SECISBP2L: variants seen among roughly 807,000 people sequenced by gnomAD.
The protein encoded by SECISBP2L is SECIS binding protein 2 like, also known as selenocysteine insertion sequence-binding protein 2-like.
SECISBP2L carries 43 observed loss-of-function variants against 114.7 expected under a neutral mutation model. The observed-to-expected ratio is 0.38, with a 90% CI of 0.29 to 0.48. The LOEUF (loss-of-function observed/expected upper bound fraction) is 0.48, where lower values mean the gene tolerates loss of function less well. Among genes scored for constraint, SECISBP2L ranks in the 20% least tolerant of loss-of-function variants. The probability of loss-of-function intolerance (pLI) is 0.98; values close to 1 mark genes in which losing one functional copy is unlikely to be tolerated. For missense variants in SECISBP2L, 1,136 were observed against 1,301.1 expected (o/e 0.87, Z 1.95); for synonymous variants, 451 against 439.7 (o/e 1.03, Z -0.32).
intron 8 of SECISBP2L, among the ~76,000 whole-genome samples, chr15:49,017,962 T>C (rs1247697625): frequency 6.6e-6 from 1 of 152,182 alleles, no homozygotes; most frequent in East Asian, 1.9e-4. Flanking sequence ...AGAAAGTGTT[T>C]AACAGACAGC....
chr15:49,039,479 G>A (rs1355021289), intron 1 of SECISBP2L, among the ~76,000 whole-genome samples: 2 of 149,304 alleles, frequency 1.3e-5, no homozygotes, highest in Admixed American at 6.7e-5. Context: ...TGAAATCACA[G>A]TTTAACTGCA....
intron 11 of SECISBP2L, among the ~76,000 whole-genome samples, chr15:49,015,169 A>C (rs1369001122): frequency 6.6e-6 from 1 of 152,136 alleles, no homozygotes; most frequent in Non-Finnish European, 1.5e-5. Flanking sequence ...AATGAAACAC[A>C]TGGAAGAACA....
Position 49,019,399 on chromosome 15 carries a change from TAGAGTTTG to T in SECISBP2L, c.1170+11_1170+18del. 1 of 1,411,318 alleles carries T rather than the reference TAGAGTTTG, an allele frequency of 7.1e-7. No individual in the cohort carries two copies. The highest frequency in any genetic ancestry group is 1.6e-5 in the South Asian group (1 of 62,270). 87.4% of individuals were successfully genotyped at this position (1,411,318 alleles called of 1,614,324 possible). A position where few individuals can be genotyped will look rare whatever the true frequency, so the allele number is the denominator to read the frequency against. ...AACATTTCCTATAACAGCTTACAAA[TAGAGTTTG>T]AAAAAAATACCTCAAAATATAAAGA... On this transcript the variant is annotated intron_variant, in intron 8 of 17. Coordinates refer to ENST00000559471, the MANE Select transcript of SECISBP2L (RefSeq NM_001193489.2).
At chr15:49,015,947 A>C (rs1242232994) in intron 11 of SECISBP2L, among the ~76,000 whole-genome samples, 1 of 152,178 alleles carries the variant, frequency 6.6e-6, no homozygotes, top group Non-Finnish European at 1.5e-5. Context: ...AGGAAAAGGG[A>C]ATAGCAAGCC....
rs942355893 is a variant in SECISBP2L at position 48,992,787 on chromosome 15, T to C, written c.2763A>G (p.Pro921=). 3.7e-6 allele frequency: 6 copies of C among 1,614,092 alleles called. No homozygotes were observed. The highest frequency in any genetic ancestry group is 4.5e-5 in the East Asian group (2 of 44,896). The change falls in exon 18 of 18, where the codon CCA becomes CCG. Residue 921 remains proline, a synonymous_variant. Transcript: ENST00000559471. Reference sequence around the variant, plus strand: ...TAGTACTGCCTGTAGCCACTAATGATGGCTGCTTACCAATTGGGGGTGTGT... The same window carrying C: ...TAGTACTGCCTGTAGCCACTAATGACGGCTGCTTACCAATTGGGGGTGTGT... The part of the protein sequence containing the change: ...PFDTPPIGKQ[P]SLVATGSTTS...
chr15:48,996,961 T>C (rs1020541515), intron 16 of SECISBP2L, among the ~76,000 whole-genome samples: 24 of 152,136 alleles, frequency 1.6e-4, no homozygotes, highest in African/African-American at 5.8e-4. Context: ...AAAAAGATGG[T>C]AAGAGACACC....
Position 48,999,902 on chromosome 15 carries a change from A to T in SECISBP2L, c.2334T>A (p.Ala778=). Residue 778 remains alanine (A), a synonymous_variant, in exon 16 of 18, where the codon GCT becomes GCA. Coordinates refer to ENST00000559471, the MANE Select transcript of SECISBP2L (RefSeq NM_001193489.2). ...CCAGCTTGTTCACACAGCGTCCTAG[A>T]GCTTTCCTTCCAAGGGCAAACACAA... ...IPFVFALGRK[A]LGRCVNKLVP... The T allele has an allele frequency of 3.7e-6, 6 of 1,614,058 alleles. No individual in the cohort carries two copies. Among genetic ancestry groups the T allele is most frequent in the Non-Finnish European group, 5.1e-6 (6 of 1,179,984 alleles).
At position 49,019,546 on chromosome 15, in the gene SECISBP2L, A is replaced by C; in HGVS notation, c.1042T>G (p.Phe348Val). Reference protein sequence around the residue: ...TEQRNNSQVGFRCRGHSTSSE... With the variant: ...TEQRNNSQVGVRCRGHSTSSE... ...GAAGTACTGTGTCCTCGGCATCTGA[A>C]TCCAACCTAAGTAAACCCCAGAGGG... The change falls in exon 8 of 18, where the codon TTC becomes GTC. Residue 348 changes from phenylalanine to valine, a missense_variant. Physicochemically the swap from Phe to Val is conservative, Grantham distance 50. This residue lies in a region of SECISBP2L where 452 missense variants were observed against 452.3 expected (regional missense o/e 1.00). Transcript: ENST00000559471. 1 of 1,475,334 alleles carries C rather than the reference A, an allele frequency of 6.8e-7. No homozygotes were observed. The allele number at this position is 1,475,334 out of a possible 1,614,324, so 91.4% of individuals were successfully genotyped here. A position where few individuals can be genotyped will look rare whatever the true frequency, so the allele number is the denominator to read the frequency against.
chr15:49,005,019 A>C (rs1902287456), intron 14 of SECISBP2L, among the ~76,000 whole-genome samples: 1 of 152,192 alleles, frequency 6.6e-6, no homozygotes, highest in Non-Finnish European at 1.5e-5. Context: ...TCTAATATTG[A>C]CAGTGGGGTG....
chr15:49,044,008 T>C (rs1903193358), intron 1 of SECISBP2L, among the ~76,000 whole-genome samples: 1 of 152,116 alleles, frequency 6.6e-6, no homozygotes, highest in Non-Finnish European at 1.5e-5. Flanking sequence ...AAGGATTTAA[T>C]TAGGTTAAGA....
intron 1 of SECISBP2L, among the ~76,000 whole-genome samples, chr15:49,043,284 G>A (rs373183972): frequency 1.3e-5 from 2 of 152,174 alleles, no homozygotes; most frequent in East Asian, 1.9e-4. Flanking sequence ...ACAATGAAAA[G>A]CTAGACAATT....
intron 3 of SECISBP2L, among the ~76,000 whole-genome samples, chr15:49,034,462 G>C (rs1264919305): frequency 1.3e-5 from 2 of 151,084 alleles, no homozygotes; most frequent in African/African-American, 2.4e-5. Flanking sequence ...TACTGAGTAA[G>C]TGGTTTCACA....
Position 48,989,079 on chromosome 15 carries a change from T to G in SECISBP2L, c.*3165A>C, listed in dbSNP as rs1166294073. 2 of 152,656 alleles carry G rather than the reference T, an allele frequency of 1.3e-5. No individual in the cohort carries two copies. Among genetic ancestry groups the G allele is most frequent in the East Asian group, 1.9e-4 (1 of 5,192 alleles). 9.5% of individuals were successfully genotyped at this position (152,656 alleles called of 1,614,324 possible). On this transcript the variant is annotated 3_prime_UTR_variant, in exon 18 of 18. Transcript: ENST00000559471. ...AAAAAGATAAAAATTTTTAAATGAG[T>G]TGATGTTCTAACCTGTTGGCCCAAC...
intron 14 of SECISBP2L, among the ~76,000 whole-genome samples, chr15:49,002,569 G>A (rs1902233878): frequency 1.3e-5 from 2 of 152,058 alleles, no homozygotes; most frequent in South Asian, 4.1e-4. Flanking sequence ...TTCTTCCAGG[G>A]TTTTTATGGT....
intron 16 of SECISBP2L, 33 bp downstream of exon 16, chr15:48,999,800 G>T: frequency 6.3e-7 from 1 of 1,598,426 alleles, no homozygotes; most frequent in Non-Finnish European, 8.6e-7. Flanking sequence ...GGATGTGCTG[G>T]AGAGCAAGAG....
At chr15:49,033,250 G>GA in intron 3 of SECISBP2L, 150 bp from the exon 4 acceptor site, 1 of 911,058 alleles carries the variant, frequency 1.1e-6, no homozygotes. Context: ...ATAGTACTAG[G>GA]GTTTCATGAA....
chr15:49,023,650 T>A (rs1228407391), intron 7 of SECISBP2L, among the ~76,000 whole-genome samples: 1 of 152,078 alleles, frequency 6.6e-6, no homozygotes, highest in Non-Finnish European at 1.5e-5. Flanking sequence ...ACTACAGAAA[T>A]CAACAAGATT....
chr15:49,021,917 T>C (rs1380916468), intron 7 of SECISBP2L, among the ~76,000 whole-genome samples: 3 of 152,148 alleles, frequency 2.0e-5, no homozygotes, highest in African/African-American at 4.8e-5. Context: ...AAAGAGGGTA[T>C]ACTGAACAAA....
intron 11 of SECISBP2L, among the ~76,000 whole-genome samples, chr15:49,014,009 C>T (rs182097507): frequency 7.2e-5 from 11 of 152,238 alleles, no homozygotes; most frequent in Admixed American, 6.5e-4. Context: ...CCATCATTCC[C>T]CTTTCCTTCC....
Sources: gnomAD v4.1 joint callset for allele counts (sites outside exome capture counted in the v4.1 genomes callset) on GRCh38, gnomAD v4.1.1 for gene constraint, gnomAD v4.1.1 regional missense constraint, MANE v1.5 for transcripts, NCBI Gene and HGNC (gene_info 2026-07-23, HGNC 2026-07-21) for gene names.